SH3GL1: variants seen among roughly 807,000 people sequenced by gnomAD.
SH3GL1 encodes endophilin-A2.
In SH3GL1, 21 loss-of-function variants were observed where a neutral mutation model predicts 48.8. The ratio of observed to expected loss-of-function variants is 0.43; its 90% confidence interval spans 0.30 to 0.62. SH3GL1 has a LOEUF of 0.62. Among genes scored for constraint, SH3GL1 ranks in the 20% least tolerant of loss-of-function variants. The pLI is 0.11. For synonymous variants in SH3GL1, 282 were observed against 217.5 expected (o/e 1.30, Z -2.61); for missense variants, 454 against 503.0 (o/e 0.90, Z 0.93).
intron 1 of SH3GL1, among the ~76,000 whole-genome samples, chr19:4,382,493 G>A (rs889592976): frequency 6.6e-6 from 1 of 151,740 alleles, no homozygotes; most frequent in Non-Finnish European, 1.5e-5. Context: ...TCCTGACCTC[G>A]TGATCCGCCT....
chr19:4,369,077 AAAG>A (rs964260399), intron 1 of SH3GL1, among the ~76,000 whole-genome samples: 57 of 152,070 alleles, frequency 3.7e-4, no homozygotes, highest in African/African-American at 1.3e-3. Context: ...ATCTCAAAAG[AAAG>A]AAGAAAGAAA....
rs932881840 is a variant in SH3GL1, at chr19:4,368,272, T to G, written c.46-1278A>C. Among the ~76,000 whole-genome samples, 7 of 152,166 alleles carry G rather than the reference T, an allele frequency of 4.6e-5. No individual in the cohort carries two copies. In the South Asian group the frequency reaches 6.2e-4, roughly 14 times the overall value. Reference sequence around the variant, plus strand: ...GTGGTGCCACACTGCGTTGGCTGTGTGGGGCTGGGGGGTGTCCAGCAGGGC... The same window carrying G: ...GTGGTGCCACACTGCGTTGGCTGTGGGGGGCTGGGGGGTGTCCAGCAGGGC... On this transcript the variant is annotated intron_variant, in intron 1 of 9. Transcript: ENST00000269886.
chr19:4,385,881 C>T (rs920776660), intron 1 of SH3GL1, among the ~76,000 whole-genome samples: 2 of 152,236 alleles, frequency 1.3e-5, no homozygotes, highest in African/African-American at 4.8e-5. Context: ...CTACGCTCAG[C>T]CAGGGGTCCG....
At chr19:4,383,210 G>A (rs1410682770) in intron 1 of SH3GL1, among the ~76,000 whole-genome samples, 1 of 142,184 alleles carries the variant, frequency 7.0e-6, no homozygotes, top group Non-Finnish European at 1.5e-5. Context: ...GAGCCACCAC[G>A]CCTGGACATT....
chr19:4,373,046 C>T (rs1972933982), intron 1 of SH3GL1, among the ~76,000 whole-genome samples: 1 of 152,162 alleles, frequency 6.6e-6, no homozygotes, highest in African/African-American at 2.4e-5. Flanking sequence ...GCCTGCAGGG[C>T]ATCCGCAGGT....
chr19:4,369,077 A>C (rs1972842711), intron 1 of SH3GL1, among the ~76,000 whole-genome samples: 1 of 151,952 alleles, frequency 6.6e-6, no homozygotes, highest in Admixed American at 6.6e-5. Flanking sequence ...ATCTCAAAAG[A>C]AAGAAGAAAG....
intron 1 of SH3GL1, among the ~76,000 whole-genome samples, chr19:4,390,966 C>T (rs1211730757): frequency 6.6e-6 from 1 of 152,182 alleles, no homozygotes; most frequent in African/African-American, 2.4e-5. Context: ...AGTTGCAAAA[C>T]ACTGGAAACA....
chr19:4,369,050 C>T (rs142970847), intron 1 of SH3GL1, among the ~76,000 whole-genome samples: 2,932 of 151,868 alleles, frequency 0.019, 31 homozygotes, highest in Non-Finnish European at 0.024. Context: ...CCAGCCTAGG[C>T]GACAGAGCAA....
At chr19:4,390,901 T>C (rs1973326085) in intron 1 of SH3GL1, among the ~76,000 whole-genome samples, 3 of 152,110 alleles carry the variant, frequency 2.0e-5, no homozygotes, top group Admixed American at 2.0e-4. Context: ...GAAATCCTAC[T>C]GGGGACGTTG....
chr19:4,364,866 T>TGGTGTGTGTGTGTG (rs1972729372), intron 4 of SH3GL1, among the ~76,000 whole-genome samples: 1 of 97,168 alleles, frequency 1.0e-5, no homozygotes, highest in African/African-American at 5.3e-5. Context: ...ACCCGGCTAA[T>TGGTGTGTGTGTGTG]TGTGTGTGTG....
chr19:4,374,095 G>T (rs1972958294), intron 1 of SH3GL1, among the ~76,000 whole-genome samples: 1 of 152,228 alleles, frequency 6.6e-6, no homozygotes, highest in Admixed American at 6.5e-5. Context: ...TGAAGTCACA[G>T]CACATGAAAA....
intron 1 of SH3GL1, among the ~76,000 whole-genome samples, chr19:4,393,931 G>T (rs1011534707): frequency 1.3e-5 from 2 of 151,788 alleles, no homozygotes; most frequent in Non-Finnish European, 1.5e-5. Context: ...AAATAGGTGG[G>T]GCCCAGGATC....
At position 4,361,642 on chromosome 19, in the gene SH3GL1, G is replaced by A. The variant is rs80251498; in HGVS notation, c.1065C>T (p.Phe355=). The part of the protein sequence containing the change: ...EGMLDGQSGF[F]PLSYVEVLVP... Reference sequence around the variant, plus strand: ...CAAGCACCTCCACGTAGCTGAGCGGGAAGAAGCCCGACTGGCCGTCCAGCA... The same window carrying A: ...CAAGCACCTCCACGTAGCTGAGCGGAAAGAAGCCCGACTGGCCGTCCAGCA... The change falls in exon 10 of 10, where the codon TTC becomes TTT. Residue 355 remains phenylalanine (F), a synonymous_variant. Transcript: ENST00000269886. 7.9e-3 allele frequency: 12,753 copies of A among 1,609,498 alleles called. 85 individuals carry two copies. Among genetic ancestry groups the A allele is most frequent in the Middle Eastern group, 0.033 (198 of 6,058 alleles).
intron 1 of SH3GL1, among the ~76,000 whole-genome samples, chr19:4,392,840 G>A (rs976871331): frequency 6.6e-6 from 1 of 152,230 alleles, no homozygotes; most frequent in Non-Finnish European, 1.5e-5. Flanking sequence ...TACTCAGGAG[G>A]CTGGGGCAGG....
At chr19:4,365,423 C>T in intron 4 of SH3GL1, 59 bp downstream of exon 4, 1 of 1,605,628 alleles carries the variant, frequency 6.2e-7, no homozygotes, top group Non-Finnish European at 8.5e-7. Flanking sequence ...CCTGCCCTGC[C>T]TGTGTTGAGG....
intron 1 of SH3GL1, among the ~76,000 whole-genome samples, chr19:4,392,116 C>T (rs1368905292): frequency 6.6e-6 from 1 of 152,230 alleles, no homozygotes; most frequent in Non-Finnish European, 1.5e-5. Flanking sequence ...GCCTCTGAAT[C>T]ACCAACGCCG....
chr19:4,365,385 C>G (rs1972752154), intron 4 of SH3GL1, 97 bp downstream of exon 4: 2 of 1,527,118 alleles, frequency 1.3e-6, no homozygotes, highest in Non-Finnish European at 1.8e-6. Flanking sequence ...CTGTACGTCC[C>G]CGGCACTCAG....
rs774300293 is a variant in SH3GL1, at chr19:4,361,347, C to T, written c.*253G>A. 1.5e-5 allele frequency: 8 copies of T among 517,792 alleles called. No homozygotes were observed. Among genetic ancestry groups the T allele is most frequent in the African/African-American group, 3.9e-5 (2 of 51,536 alleles). 32.1% of individuals were successfully genotyped at this position (517,792 alleles called of 1,614,324 possible). A position where few individuals can be genotyped will look rare whatever the true frequency, so the allele number is the denominator to read the frequency against. ...GTTGGGGAGCGGGGGAGGAGGCTGG[C>T]GCCATGGAGTGGGGAAGGGAGCCGT... On this transcript the variant is annotated 3_prime_UTR_variant, in exon 10 of 10. Coordinates refer to ENST00000269886, the MANE Select transcript of SH3GL1 (RefSeq NM_003025.4).
Position 4,361,219 on chromosome 19 carries a change from G to A in SH3GL1, c.*381C>T, listed in dbSNP as rs781074711. ...GGGACTCGAGGGTAGGCAGTGGGCC[G>A]GGCCCCCGTCGGGTCAGGACGGAGG... On this transcript the variant is annotated 3_prime_UTR_variant, in exon 10 of 10. Coordinates refer to ENST00000269886, the MANE Select transcript of SH3GL1 (RefSeq NM_003025.4). The A allele has an allele frequency of 5.2e-5, 16 of 307,744 alleles. No homozygotes were observed. In the East Asian group the frequency reaches 6.6e-4, roughly 13 times the overall value. 19.1% of individuals were successfully genotyped at this position (307,744 alleles called of 1,614,324 possible).
Sources: gnomAD v4.1 joint callset for allele counts (sites outside exome capture counted in the v4.1 genomes callset) on GRCh38, gnomAD v4.1.1 for gene constraint, MANE v1.5 for transcripts, NCBI Gene and HGNC (gene_info 2026-07-23, HGNC 2026-07-21) for gene names.